PFKFB3: variants seen among roughly 807,000 people sequenced by gnomAD.
The protein encoded by PFKFB3 is 6-phosphofructo-2-kinase/fructose-2,6-bisphosphatase 3.
In PFKFB3, 33 loss-of-function variants were observed where a neutral mutation model predicts 68.0. That is an observed-to-expected ratio of 0.49 (90% CI 0.37 to 0.65). PFKFB3 has a LOEUF of 0.65. PFKFB3 is among the 30% of genes least tolerant of loss of function. The probability of loss-of-function intolerance (pLI) is 0.00; values close to 1 mark genes in which losing one functional copy is unlikely to be tolerated. For synonymous variants in PFKFB3, 315 were observed against 288.2 expected (o/e 1.09, Z -0.94); for missense variants, 586 against 712.2 (o/e 0.82, Z 2.02).
rs536908493 is a variant in PFKFB3 at position 6,232,891 on chromosome 10, A to G, written c.1516-4A>G. 1.2e-6 allele frequency: 2 copies of G among 1,612,410 alleles called. No homozygotes were observed. The highest frequency in any genetic ancestry group is 2.2e-5 in the South Asian group (2 of 91,024). ...TCCCCACCTCTCTTTTCTCCTGAAA[A>G]CAGAACATGAAAGGCTCCCGGAGCA... On this transcript the variant is annotated splice_region_variant and splice_polypyrimidine_tract_variant and intron_variant, in intron 14 of 14. Transcript: ENST00000379775.
intron 13 of PFKFB3, 103 bp downstream of exon 13, chr10:6,224,316 G>A: frequency 9.0e-7 from 1 of 1,115,028 alleles, no homozygotes; most frequent in Non-Finnish European, 1.3e-6. Flanking sequence ...GCAGGTGCTG[G>A]CCTGTCTGGG....
At chr10:6,209,556 C>T (rs1040230004) in intron 1 of PFKFB3, among the ~76,000 whole-genome samples, 1 of 152,030 alleles carries the variant, frequency 6.6e-6, no homozygotes, top group South Asian at 2.1e-4. Flanking sequence ...TCACTGCAAC[C>T]TCTGCCTCCC....
chr10:6,148,517 T>C (rs1210991046), intron 1 of PFKFB3, among the ~76,000 whole-genome samples: 2 of 152,160 alleles, frequency 1.3e-5, no homozygotes, highest in Non-Finnish European at 2.9e-5. Context: ...AGCATTGCCT[T>C]CAGGGCTCAC....
intron 1 of PFKFB3, among the ~76,000 whole-genome samples, chr10:6,193,539 C>G (rs980711025): frequency 4.6e-5 from 7 of 152,188 alleles, no homozygotes; most frequent in African/African-American, 1.7e-4. Flanking sequence ...TGCCTGTAGT[C>G]CAGTGATTAC....
Position 6,228,036 on chromosome 10 carries a change from G to C in PFKFB3, c.1515+1671G>C, listed in dbSNP as rs1432151193. On this transcript the variant is annotated intron_variant, in intron 14 of 14. Transcript: ENST00000379775. The surrounding 1 kb of genome is among the most constrained non-coding windows in gnomAD (Gnocchi z 4.5). Reference sequence around the variant, plus strand: ...GGGCTGCATCCTCCTGTCCGCTTCAGAGCTGCCCCTGGCGTTGGGAGGACA... The same window carrying C: ...GGGCTGCATCCTCCTGTCCGCTTCACAGCTGCCCCTGGCGTTGGGAGGACA... Among the ~76,000 whole-genome samples, 3 of 152,162 alleles carry C rather than the reference G, an allele frequency of 2.0e-5. No individual in the cohort carries two copies. The highest frequency in any genetic ancestry group is 4.4e-5 in the Non-Finnish European group (3 of 68,028).
rs371109958 is a variant in PFKFB3, at chr10:6,233,733, T to G, written c.*791T>G. The stretch of plus-strand genomic sequence containing the variant: ...TGGGGGGAACTGAGAAACACTTTCC[T>G]GGAGCTGCTGGCTTTTGCACTTTTT... On this transcript the variant is annotated 3_prime_UTR_variant, in exon 15 of 15. Coordinates refer to ENST00000379775, the MANE Select transcript of PFKFB3 (RefSeq NM_004566.4). 5.2e-5 allele frequency: 8 copies of G among 153,046 alleles called. No individual in the cohort carries two copies. The East Asian group carries it at 1.5e-3, about 29-fold the overall frequency. The allele number at this position is 153,046 out of a possible 1,614,324, so 9.5% of individuals were successfully genotyped here. A position where few individuals can be genotyped will look rare whatever the true frequency, so the allele number is the denominator to read the frequency against.
chr10:6,274,372 A>C, the PFKFB3 span, among the ~76,000 whole-genome samples: 5 of 152,290 alleles, frequency 3.3e-5, no homozygotes, highest in Admixed American at 1.3e-4. Context: ...GTTTACATTT[A>C]AAAAATAACA....
At chr10:6,287,522 A>G in the PFKFB3 span, among the ~76,000 whole-genome samples, 1 of 152,248 alleles carries the variant, frequency 6.6e-6, no homozygotes, top group East Asian at 1.9e-4. Flanking sequence ...ATTGTAACCT[A>G]GCAACAATAG....
chr10:6,199,952 G>A (rs1843281331), upstream of PFKFB3, among the ~76,000 whole-genome samples: 1 of 151,800 alleles, frequency 6.6e-6, no homozygotes, highest in Non-Finnish European at 1.5e-5. Flanking sequence ...CAGCACCCTG[G>A]GGTTAGGGTG....
rs952885549 is a variant in PFKFB3 at position 6,224,295 on chromosome 10, G to T, written c.1341+82G>T. 7.2e-5 allele frequency: 102 copies of T among 1,407,428 alleles called. 3 individuals carry two copies. The highest frequency in any genetic ancestry group is 1.3e-4 in the South Asian group (11 of 86,200). 87.2% of individuals were successfully genotyped at this position (1,407,428 alleles called of 1,614,324 possible). ...TGATGGGCGCTCAGGAGGCCCCGGG[G>T]CCGCTTGCCTGCAGGTGCTGGCCTG... On this transcript the variant is annotated intron_variant, in intron 13 of 14. Transcript: ENST00000379775.
the PFKFB3 span, among the ~76,000 whole-genome samples, chr10:6,303,379 C>A: frequency 0.13 from 19,391 of 152,042 alleles, 1,367 homozygotes; most frequent in East Asian, 0.24. Context: ...AACATCCTAC[C>A]ATGACAAAAT....
At chr10:6,172,251 G>T (rs1564596368) in intron 1 of PFKFB3, among the ~76,000 whole-genome samples, 1 of 152,218 alleles carries the variant, frequency 6.6e-6, no homozygotes, top group Non-Finnish European at 1.5e-5. Flanking sequence ...GTGTGGTGCA[G>T]CCTGAGAGAA....
downstream of PFKFB3, among the ~76,000 whole-genome samples, chr10:6,256,282 C>G (rs574978436): frequency 5.8e-4 from 88 of 152,284 alleles, no homozygotes; most frequent in African/African-American, 2.0e-3. Context: ...TTCCCAGGGA[C>G]TAAGCAGGAT....
At chr10:6,231,547 GTTA>G in intron 14 of PFKFB3, 1 of 985,418 alleles carries the variant, frequency 1.0e-6, no homozygotes, top group Non-Finnish European at 1.2e-6. Flanking sequence ...GCTCTCCACT[GTTA>G]TTGTTGCATC....
At chr10:6,212,843 T>C (rs1451500743) in intron 1 of PFKFB3, among the ~76,000 whole-genome samples, 1 of 152,166 alleles carries the variant, frequency 6.6e-6, no homozygotes, top group Non-Finnish European at 1.5e-5. Flanking sequence ...AGATTTTTTT[T>C]AGAAACTCTG....
chr10:6,162,459 C>A (rs559502228), intron 1 of PFKFB3, among the ~76,000 whole-genome samples: 2 of 152,168 alleles, frequency 1.3e-5, no homozygotes, highest in Non-Finnish European at 2.9e-5. Flanking sequence ...GAGTGAAACA[C>A]TTATCAGAGT....
downstream of PFKFB3, among the ~76,000 whole-genome samples, chr10:6,239,893 C>T (rs1450352651): frequency 6.6e-6 from 1 of 152,064 alleles, no homozygotes; most frequent in Non-Finnish European, 1.5e-5. Context: ...AGGCTGATCT[C>T]GAACTCCTGG....
intron 1 of PFKFB3, among the ~76,000 whole-genome samples, chr10:6,192,890 A>G (rs1339613136): frequency 6.6e-6 from 1 of 152,156 alleles, no homozygotes; most frequent in African/African-American, 2.4e-5. Flanking sequence ...GCTTTTGCTC[A>G]TATCCAGTTT....
At chr10:6,272,891 G>A in the PFKFB3 span, among the ~76,000 whole-genome samples, 105 of 152,158 alleles carry the variant, frequency 6.9e-4, no homozygotes, top group Non-Finnish European at 1.3e-3. Flanking sequence ...AGGCCTGAGG[G>A]CTTGATTTAT....
Sources: allele counts gnomAD v4.1 joint callset (sites outside exome capture counted in the v4.1 genomes callset), GRCh38; gene constraint gnomAD v4.1.1; non-coding constraint Gnocchi (gnomAD v3.1); transcripts MANE v1.5; gene names NCBI Gene and HGNC (gene_info 2026-07-23, HGNC 2026-07-21).